The following GRID2 variants were observed in gnomAD, a reference collection of about 807,000 sequenced individuals.
GRID2 encodes the protein glutamate ionotropic receptor delta type subunit 2.
GRID2 carries 33 observed loss-of-function variants against 114.8 expected under a neutral mutation model. That is an observed-to-expected ratio of 0.29 (90% CI 0.22 to 0.38). GRID2 has a LOEUF of 0.38. Among genes scored for constraint, GRID2 ranks in the 10% least tolerant of loss-of-function variants. The pLI is 1.00. For missense variants in GRID2, 1,184 were observed against 1,257.7 expected (o/e 0.94, Z 0.89); for synonymous variants, 505 against 449.9 (o/e 1.12, Z -1.55).
At chr4:92,578,617 A>G (rs993410054) in intron 1 of GRID2, among the ~76,000 whole-genome samples, 1 of 152,050 alleles carries the variant, frequency 6.6e-6, no homozygotes, top group Non-Finnish European at 1.5e-5. Context: ...CTAGTGACTC[A>G]CACCTGTCAT....
intron 2 of GRID2, among the ~76,000 whole-genome samples, chr4:93,014,429 G>T (rs1014443878): frequency 3.3e-5 from 5 of 152,068 alleles, no homozygotes; most frequent in African/African-American, 1.2e-4. Flanking sequence ...AAATCACGTA[G>T]TTTGCTGGGG....
At chr4:92,602,841 G>A (rs537509471) in intron 2 of GRID2, among the ~76,000 whole-genome samples, 4 of 152,272 alleles carry the variant, frequency 2.6e-5, no homozygotes, top group African/African-American at 9.6e-5. Context: ...AAGCTAATAA[G>A]CAACTTCAAC....
chr4:93,469,903 T>A (rs1724643058), intron 11 of GRID2, among the ~76,000 whole-genome samples: 1 of 152,124 alleles, frequency 6.6e-6, no homozygotes, highest in Admixed American at 6.5e-5. Context: ...TCTGAAAAAC[T>A]AAATATTTTT....
rs10528035 is a variant in GRID2 at position 92,895,384 on chromosome 4, C to CATATATAT, written c.245-189597_245-189590dup. ...TTGAATTGACACATCATGTAGAAAACATATATATATATATATATATAAACT... is the reference window on the plus strand; with the variant it reads ...TTGAATTGACACATCATGTAGAAAACATATATATATATATATATATATATATATAAACT... On this transcript the variant is annotated intron_variant, in intron 2 of 15. Transcript: ENST00000282020. 2.3e-3 allele frequency among the ~76,000 whole-genome samples: 247 copies of CATATATAT among 108,148 alleles called. 8 individuals are homozygous for CATATATAT. Among genetic ancestry groups the CATATATAT allele is most frequent in the African/African-American group, 7.8e-3 (158 of 20,162 alleles). The allele number at this position is 108,148 out of a possible 152,430, so 70.9% of individuals were successfully genotyped here. A position where few individuals can be genotyped will look rare whatever the true frequency, so the allele number is the denominator to read the frequency against.
intron 1 of GRID2, among the ~76,000 whole-genome samples, chr4:92,545,309 T>C (rs918832560): frequency 6.6e-6 from 1 of 152,180 alleles, no homozygotes; most frequent in African/African-American, 2.4e-5. Context: ...CTTTATATTC[T>C]AGGTCCCCAT....
At chr4:92,926,102 AG>A (rs1482576647) in intron 2 of GRID2, among the ~76,000 whole-genome samples, 3 of 151,968 alleles carry the variant, frequency 2.0e-5, no homozygotes, top group Non-Finnish European at 4.4e-5. Context: ...TGTTATTAAA[AG>A]CCTTTATGAA....
At chr4:92,800,080 T>A (rs1266587000) in intron 2 of GRID2, among the ~76,000 whole-genome samples, 1 of 151,990 alleles carries the variant, frequency 6.6e-6, no homozygotes, top group Admixed American at 6.6e-5. Context: ...TATTTGCTCT[T>A]CAAACAAGAC....
At chr4:92,930,338 G>A (rs1750131745) in intron 2 of GRID2, among the ~76,000 whole-genome samples, 1 of 151,078 alleles carries the variant, frequency 6.6e-6, no homozygotes, top group African/African-American at 2.4e-5. Context: ...TTCAACTAAG[G>A]TTTATTATTA....
At chr4:92,937,620 G>T (rs1242648362) in intron 2 of GRID2, among the ~76,000 whole-genome samples, 1 of 146,712 alleles carries the variant, frequency 6.8e-6, no homozygotes, top group Non-Finnish European at 1.5e-5. Context: ...TTTGCAATAA[G>T]ATTTGAAGGG....
chr4:92,826,954 T>C (rs955232324), intron 2 of GRID2, among the ~76,000 whole-genome samples: 7 of 152,108 alleles, frequency 4.6e-5, no homozygotes, highest in Non-Finnish European at 8.8e-5. Context: ...TTCATTGATA[T>C]GTTTCAGGTT....
chr4:93,097,332 G>A (rs1323990376), intron 3 of GRID2, among the ~76,000 whole-genome samples: 14 of 148,448 alleles, frequency 9.4e-5, no homozygotes, highest in African/African-American at 3.3e-4. Flanking sequence ...AGACAAAAAA[G>A]GTAAAGGAAA....
intron 1 of GRID2, among the ~76,000 whole-genome samples, chr4:92,305,701 G>A (rs181996916): frequency 2.6e-5 from 4 of 152,270 alleles, no homozygotes; most frequent in Non-Finnish European, 5.9e-5. Context: ...GAGCAGGGGC[G>A]GGCGGGGGGC....
intron 1 of GRID2, among the ~76,000 whole-genome samples, chr4:92,498,770 C>T (rs1723522048): frequency 1.3e-5 from 2 of 151,648 alleles, no homozygotes; most frequent in South Asian, 4.1e-4. Context: ...AATGCACAAA[C>T]ACATATTCCT....
intron 14 of GRID2, among the ~76,000 whole-genome samples, chr4:93,645,486 C>A (rs1361903059): frequency 1.3e-5 from 2 of 152,034 alleles, no homozygotes; most frequent in Non-Finnish European, 2.9e-5. Flanking sequence ...CAAAGATAGC[C>A]AATGGAAAGG....
chr4:92,555,506 T>C (rs979422389), intron 1 of GRID2, among the ~76,000 whole-genome samples: 1 of 152,050 alleles, frequency 6.6e-6, no homozygotes, highest in Admixed American at 6.6e-5. Flanking sequence ...AAGGAAGAGA[T>C]GGTGAGAAAA....
chr4:93,494,742 G>A (rs1272755828), intron 12 of GRID2, among the ~76,000 whole-genome samples: 1 of 151,648 alleles, frequency 6.6e-6, no homozygotes, highest in African/African-American at 2.4e-5. Flanking sequence ...TGACAATTTG[G>A]GCTTTTTCAT....
chr4:93,559,093 G>C (rs932811234), intron 13 of GRID2, among the ~76,000 whole-genome samples: 3 of 151,970 alleles, frequency 2.0e-5, no homozygotes, highest in Admixed American at 1.3e-4. Context: ...TCTCAAAATA[G>C]TAAGAACTAT....
chr4:93,462,766 T>G (rs1017179641), intron 11 of GRID2, among the ~76,000 whole-genome samples: 7 of 152,182 alleles, frequency 4.6e-5, no homozygotes. Context: ...ACCAATGTCC[T>G]ATTTACAAAC....
chr4:93,608,296 C>CTTTTTTTTTTTTTTTATTTTTTTTTT (rs774334616), intron 13 of GRID2, among the ~76,000 whole-genome samples: 3 of 117,004 alleles, frequency 2.6e-5, no homozygotes, highest in African/African-American at 1.0e-4. Flanking sequence ...ATTTTTTTTT[C>CTTTTTTTTTTTTTTTATTTTTTTTTT]TTTTTTTTTT....
Sources: allele counts gnomAD v4.1 joint callset (sites outside exome capture counted in the v4.1 genomes callset), GRCh38; gene constraint gnomAD v4.1.1; transcripts MANE v1.5; gene names NCBI Gene and HGNC (gene_info 2026-07-23, HGNC 2026-07-21).